NEGR1: variants seen among roughly 807,000 people sequenced by gnomAD.
NEGR1 encodes the protein IgLON family member 4.
In NEGR1, 10 loss-of-function variants were observed where a neutral mutation model predicts 40.9. The observed-to-expected ratio is 0.24, with a 90% CI of 0.15 to 0.42. NEGR1 has a LOEUF of 0.42. NEGR1 is among the 10% of genes least tolerant of loss of function. NEGR1 has a pLI of 1.00. For missense variants in NEGR1, 352 were observed against 438.9 expected, an observed-to-expected ratio of 0.80 and a Z score of 1.77; for synonymous variants, 185 against 166.8, an observed-to-expected ratio of 1.11 and a Z score of -0.84.
chr1:71,700,395 C>T (rs1394867442), intron 3 of NEGR1, among the ~76,000 whole-genome samples: 1 of 151,974 alleles, frequency 6.6e-6, no homozygotes, highest in Non-Finnish European at 1.5e-5. Flanking sequence ...TGAATGGTTA[C>T]TTAGCTCACT....
intron 5 of NEGR1, among the ~76,000 whole-genome samples, chr1:71,597,430 A>ATATC (rs1247383390): frequency 1.7e-5 from 1 of 58,880 alleles, no homozygotes; most frequent in Non-Finnish European, 3.8e-5. Flanking sequence ...ATATATATAT[A>ATATC]TGTCTCTCTC....
chr1:71,523,520 T>A (rs921511349), intron 6 of NEGR1, among the ~76,000 whole-genome samples: 14 of 151,908 alleles, frequency 9.2e-5, no homozygotes, highest in African/African-American at 3.4e-4. Context: ...AACAGCCTTG[T>A]CTATTTGCAC....
chr1:71,899,125 C>T (rs1354853342), intron 2 of NEGR1, among the ~76,000 whole-genome samples: 1 of 150,418 alleles, frequency 6.6e-6, no homozygotes, highest in African/African-American at 2.5e-5. Flanking sequence ...ACTTTTGCAA[C>T]TTCTTTCAGA....
chr1:71,868,423 A>AGAT lies in NEGR1; in HGVS notation c.409+66653_409+66655dup, dbSNP rs1311673620. Among the ~76,000 whole-genome samples the AGAT allele has an allele frequency of 2.3e-3, 330 of 142,886 alleles. 1 individual carries two copies. The highest frequency in any genetic ancestry group is 7.2e-3 in the African/African-American group (257 of 35,714). 93.7% of individuals were successfully genotyped at this position (142,886 alleles called of 152,430 possible). A position where few individuals can be genotyped will look rare whatever the true frequency, so the allele number is the denominator to read the frequency against. ...TAACATACCTTACCTTAAATTAAATAGATAGATGATAGAAGATAGATAGAT... is the reference window on the plus strand; with the variant it reads ...TAACATACCTTACCTTAAATTAAATAGATGATAGATGATAGAAGATAGATAGAT... On this transcript the variant is annotated intron_variant, in intron 2 of 6. Coordinates refer to ENST00000357731, the MANE Select transcript of NEGR1 (RefSeq NM_173808.3).
At chr1:72,153,611 T>C (rs1651248085) in intron 1 of NEGR1, among the ~76,000 whole-genome samples, 1 of 151,952 alleles carries the variant, frequency 6.6e-6, no homozygotes, top group Non-Finnish European at 1.5e-5. Context: ...AAATAATATG[T>C]ATCTATTATC....
intron 2 of NEGR1, among the ~76,000 whole-genome samples, chr1:71,818,489 C>T (rs1658309331): frequency 6.6e-6 from 1 of 151,860 alleles, no homozygotes; most frequent in Admixed American, 6.6e-5. Flanking sequence ...GATAAGAACA[C>T]ATAGACAGAA....
chr1:71,968,350 T>C (rs1197273380), intron 1 of NEGR1, among the ~76,000 whole-genome samples: 2 of 152,202 alleles, frequency 1.3e-5, no homozygotes, highest in East Asian at 3.8e-4. Flanking sequence ...AAAACAACTT[T>C]GGGATATCAG....
intron 2 of NEGR1, among the ~76,000 whole-genome samples, chr1:71,894,775 G>T (rs551907234): frequency 1.5e-3 from 232 of 152,270 alleles, no homozygotes; most frequent in African/African-American, 5.4e-3. Flanking sequence ...GCACGTGGTG[G>T]CTCATGCCTG....
intron 6 of NEGR1, among the ~76,000 whole-genome samples, chr1:71,507,223 T>C (rs1409260012): frequency 6.6e-6 from 1 of 152,210 alleles, no homozygotes; most frequent in Non-Finnish European, 1.5e-5. Flanking sequence ...AGGCAAAAAT[T>C]AGACTATTTA....
intron 1 of NEGR1, among the ~76,000 whole-genome samples, chr1:71,997,581 TG>T (rs1483348428): frequency 1.3e-5 from 2 of 152,162 alleles, no homozygotes; most frequent in East Asian, 3.9e-4. Context: ...TCAACTCTCC[TG>T]TGAACTTCCT....
intron 1 of NEGR1, among the ~76,000 whole-genome samples, chr1:72,173,476 G>T (rs17097673): frequency 0.021 from 3,249 of 151,352 alleles, 132 homozygotes; most frequent in African/African-American, 0.075. Context: ...TAGAATAAGC[G>T]TTTGAAAAGT....
At chr1:71,715,829 C>A (rs1044505225) in intron 3 of NEGR1, among the ~76,000 whole-genome samples, 9 of 152,126 alleles carry the variant, frequency 5.9e-5, no homozygotes, top group Non-Finnish European at 1.5e-5. Flanking sequence ...TAGGAAGTAC[C>A]ATACTTTCCC....
intron 1 of NEGR1, among the ~76,000 whole-genome samples, chr1:72,004,134 T>C (rs1646581708): frequency 6.6e-6 from 1 of 152,068 alleles, no homozygotes; most frequent in Non-Finnish European, 1.5e-5. Flanking sequence ...TCTTTTTCTC[T>C]TCCCTTTGTC....
intron 1 of NEGR1, among the ~76,000 whole-genome samples, chr1:72,242,277 G>C (rs1473159514): frequency 6.6e-6 from 1 of 151,552 alleles, no homozygotes; most frequent in Non-Finnish European, 1.5e-5. Flanking sequence ...CTAAAAATTT[G>C]ACCTGTAATG....
At chr1:72,136,434 T>C (rs1650467163) in intron 1 of NEGR1, among the ~76,000 whole-genome samples, 1 of 151,536 alleles carries the variant, frequency 6.6e-6, no homozygotes, top group Non-Finnish European at 1.5e-5. Context: ...TTTAAAATAA[T>C]GAAAAAGTAT....
At chr1:72,087,271 C>A (rs932500656) in intron 1 of NEGR1, among the ~76,000 whole-genome samples, 2 of 151,778 alleles carry the variant, frequency 1.3e-5, no homozygotes, top group Non-Finnish European at 2.9e-5. Context: ...ACAACAATAA[C>A]AACAACACAA....
chr1:71,885,418 C>A (rs1455972655), intron 2 of NEGR1, among the ~76,000 whole-genome samples: 1 of 152,186 alleles, frequency 6.6e-6, no homozygotes, highest in African/African-American at 2.4e-5. Context: ...GTGTTTCTTG[C>A]AGGACATCTA....
At chr1:71,754,013 A>T (rs1355459352) in intron 3 of NEGR1, among the ~76,000 whole-genome samples, 1 of 151,058 alleles carries the variant, frequency 6.6e-6, no homozygotes, top group Non-Finnish European at 1.5e-5. Context: ...CATAAAGCAC[A>T]CATGATTTCA....
chr1:71,688,009 A>G (rs1460579621), intron 4 of NEGR1, among the ~76,000 whole-genome samples: 1 of 152,000 alleles, frequency 6.6e-6, no homozygotes, highest in Non-Finnish European at 1.5e-5. Context: ...GTAGGTGTGC[A>G]TATTTTATAT....
Sources: gnomAD v4.1 joint callset for allele counts (sites outside exome capture counted in the v4.1 genomes callset) on GRCh38, gnomAD v4.1.1 for gene constraint, MANE v1.5 for transcripts, NCBI Gene and HGNC (gene_info 2026-07-23, HGNC 2026-07-21) for gene names.